AXDND1: variants seen among roughly 807,000 people sequenced by gnomAD.
The protein encoded by AXDND1 is axonemal dynein light chain domain containing 1.
A neutral mutation model predicts 137.5 loss-of-function variants in AXDND1; 110 were observed. That is an observed-to-expected ratio of 0.80 (90% CI 0.69 to 0.94). AXDND1 has a LOEUF of 0.94. Among genes scored for constraint, AXDND1 ranks in the 40% least tolerant of loss-of-function variants. AXDND1 has a pLI of 0.00. For missense variants in AXDND1, 1,191 were observed against 1,169.8 expected, an observed-to-expected ratio of 1.02 and a Z score of -0.26; for synonymous variants, 414 against 399.7, an observed-to-expected ratio of 1.04 and a Z score of -0.43.
chr1:179,402,747 GCT>G (rs1283030788), intron 11 of AXDND1, among the ~76,000 whole-genome samples: 3 of 152,068 alleles, frequency 2.0e-5, no homozygotes, highest in African/African-American at 7.2e-5. Context: ...CCTTTTCTCT[GCT>G]CTCCTTACAG....
At chr1:179,489,644 A>G (rs1248480042) in intron 18 of AXDND1, among the ~76,000 whole-genome samples, 1 of 152,166 alleles carries the variant, frequency 6.6e-6, no homozygotes, top group Non-Finnish European at 1.5e-5. Flanking sequence ...TCAGGTGTCA[A>G]ATACATTAAT....
intron 12 of AXDND1, among the ~76,000 whole-genome samples, chr1:179,424,748 T>G (rs1483668852): frequency 1.3e-5 from 2 of 152,118 alleles, no homozygotes; most frequent in East Asian, 3.8e-4. Flanking sequence ...TTTCTTTCTA[T>G]CCTTTTTTCT....
chr1:179,503,050 G>A (rs567916009), intron 20 of AXDND1, among the ~76,000 whole-genome samples: 11 of 150,574 alleles, frequency 7.3e-5, no homozygotes, highest in Non-Finnish European at 1.0e-4. Flanking sequence ...AGGTGAGATC[G>A]TGCCATTGCA....
Position 179,409,656 on chromosome 1 carries a change from C to T in AXDND1, c.1110-1490C>T, listed in dbSNP as rs12757723. On this transcript the variant is annotated intron_variant, in intron 11 of 25. Coordinates refer to ENST00000367618, the MANE Select transcript of AXDND1 (RefSeq NM_144696.6). ...AGCACCCCTGGGAGGCTGAGGCGGGCGGATCACTTGAGGTCAGGAGTTTGA... is the reference window on the plus strand; with the variant it reads ...AGCACCCCTGGGAGGCTGAGGCGGGTGGATCACTTGAGGTCAGGAGTTTGA... 2.0e-5 allele frequency among the ~76,000 whole-genome samples: 3 copies of T among 151,980 alleles called. No homozygotes were observed. The East Asian group carries it at 5.8e-4, about 29-fold the overall frequency.
At chr1:179,410,294 G>A (rs542798848) in intron 11 of AXDND1, among the ~76,000 whole-genome samples, 4 of 152,204 alleles carry the variant, frequency 2.6e-5, no homozygotes, top group South Asian at 2.1e-4. Flanking sequence ...GCAGTGGCGC[G>A]ATCTCGGCTC....
intron 25 of AXDND1, among the ~76,000 whole-genome samples, chr1:179,547,632 C>T (rs1443934786): frequency 1.3e-5 from 2 of 152,150 alleles, no homozygotes; most frequent in African/African-American, 4.8e-5. Flanking sequence ...TGGAGGGCAT[C>T]CTCTGGTATT....
intron 17 of AXDND1, among the ~76,000 whole-genome samples, chr1:179,474,255 T>C (rs11806918): frequency 0.55 from 83,066 of 151,408 alleles, 23,096 homozygotes; most frequent in East Asian, 0.76. Flanking sequence ...TGGGTAGTTT[T>C]TTTATAGCAG....
chr1:179,502,017 C>T (rs1668048774), intron 20 of AXDND1, among the ~76,000 whole-genome samples: 1 of 151,996 alleles, frequency 6.6e-6, no homozygotes, highest in Admixed American at 6.6e-5. Context: ...CAAAAACAAT[C>T]CACAAAATGG....
intron 25 of AXDND1, chr1:179,550,761 T>G: frequency 3.7e-6 from 1 of 267,816 alleles, no homozygotes; most frequent in Non-Finnish European, 7.3e-6. Flanking sequence ...AGAAGAGCAA[T>G]AGAGTGTGAC....
At chr1:179,410,389 C>T (rs1202211255) in intron 11 of AXDND1, among the ~76,000 whole-genome samples, 1 of 152,152 alleles carries the variant, frequency 6.6e-6, no homozygotes, top group Non-Finnish European at 1.5e-5. Context: ...CGCCACCACA[C>T]CTGGCTAATT....
intron 20 of AXDND1, among the ~76,000 whole-genome samples, chr1:179,494,293 G>A (rs992104248): frequency 2.0e-5 from 3 of 152,098 alleles, no homozygotes; most frequent in Admixed American, 6.5e-5. Context: ...TAATAAGTGA[G>A]TAGTGGGATG....
At chr1:179,433,983 G>GTC (rs762086302) in intron 15 of AXDND1, among the ~76,000 whole-genome samples, 1 of 149,114 alleles carries the variant, frequency 6.7e-6, no homozygotes, top group Non-Finnish European at 1.5e-5. Flanking sequence ...CTATTGTGGA[G>GTC]TCTAAGTCTC....
chr1:179,435,018 A>G (rs1012992201), intron 15 of AXDND1, among the ~76,000 whole-genome samples: 3 of 152,208 alleles, frequency 2.0e-5, no homozygotes, highest in African/African-American at 7.2e-5. Flanking sequence ...ATCAACGTGC[A>G]AAAATCACAA....
chr1:179,528,513 C>G (rs1670752901), intron 23 of AXDND1, 82 bp downstream of exon 23: 3 of 950,936 alleles, frequency 3.2e-6, no homozygotes, highest in African/African-American at 1.6e-5. Flanking sequence ...TAACTTTTAG[C>G]TACTCTAAGG....
Position 179,491,645 on chromosome 1 carries a change from T to C in AXDND1, c.2199T>C (p.Ser733=). The C allele has an allele frequency of 1.9e-6, 3 of 1,613,816 alleles. No homozygotes were observed. Among genetic ancestry groups the C allele is most frequent in the Non-Finnish European group, 2.5e-6 (3 of 1,179,898 alleles). The part of the protein sequence containing the change: ...QDCLLKLEEE[S]AEKHDIGVAR... ...GTCTCCTAAAGTTGGAGGAGGAAAG[T>C]GCTGAGAAACATGATATAGGAGTTG... Residue 733 remains serine (S), a synonymous_variant, in exon 19 of 26, where the codon AGT becomes AGC. Coordinates refer to ENST00000367618, the MANE Select transcript of AXDND1 (RefSeq NM_144696.6).
At chr1:179,479,939 C>T (rs1239954462) in intron 17 of AXDND1, among the ~76,000 whole-genome samples, 2 of 152,160 alleles carry the variant, frequency 1.3e-5, no homozygotes, top group African/African-American at 4.8e-5. Flanking sequence ...CAAGAAGTTC[C>T]TCATCTCCAT....
At chr1:179,409,501 G>A (rs1166829088) in intron 11 of AXDND1, among the ~76,000 whole-genome samples, 1 of 152,046 alleles carries the variant, frequency 6.6e-6, no homozygotes, top group African/African-American at 2.4e-5. Flanking sequence ...ATAGAAATGA[G>A]ATCAAACATT....
At chr1:179,545,560 G>A in intron 25 of AXDND1, 1 of 150,258 alleles carries the variant, frequency 6.7e-6, no homozygotes, top group Non-Finnish European at 1.5e-5. Flanking sequence ...TACAGCTGCT[G>A]CCTGACGGAA....
intron 23 of AXDND1, among the ~76,000 whole-genome samples, chr1:179,532,115 A>G (rs929763976): frequency 1.3e-5 from 2 of 152,190 alleles, no homozygotes; most frequent in African/African-American, 4.8e-5. Context: ...GGAATGTCCA[A>G]AATGTCATTT....
Sources: allele counts gnomAD v4.1 joint callset (sites outside exome capture counted in the v4.1 genomes callset), GRCh38; gene constraint gnomAD v4.1.1; transcripts MANE v1.5; gene names NCBI Gene and HGNC (gene_info 2026-07-23, HGNC 2026-07-21).